Variants in ADAM10 observed in about 807,000 individuals in gnomAD.
ADAM10 encodes ADAM metallopeptidase domain 10.
In ADAM10, 17 loss-of-function variants were observed where a neutral mutation model predicts 90.1. The observed-to-expected ratio is 0.19, with a 90% CI of 0.13 to 0.28. ADAM10 has a LOEUF of 0.28. ADAM10 is among the 10% of genes least tolerant of loss of function. The pLI is 1.00. For synonymous variants in ADAM10, 310 were observed against 298.6 expected (o/e 1.04, Z -0.40); for missense variants, 610 against 914.3 (o/e 0.67, Z 4.29).
intron 1 of ADAM10, among the ~76,000 whole-genome samples, chr15:58,733,903 C>T (rs1899342496): frequency 7.3e-6 from 1 of 137,414 alleles, no homozygotes; most frequent in African/African-American, 2.9e-5. Context: ...TTTTTCATTA[C>T]ATTATATATA....
chr15:58,729,603 T>C (rs1899157034), intron 1 of ADAM10, among the ~76,000 whole-genome samples: 1 of 152,172 alleles, frequency 6.6e-6, no homozygotes, highest in African/African-American at 2.4e-5. Context: ...ACAGGTTGAG[T>C]ATCCAAAAAT....
At chr15:58,616,578 A>T (rs1341424714) in intron 11 of ADAM10, among the ~76,000 whole-genome samples, 1 of 152,226 alleles carries the variant, frequency 6.6e-6, no homozygotes, top group Non-Finnish European at 1.5e-5. Context: ...AAGCTCTCTG[A>T]AACAACTGAA....
At chr15:58,688,786 ATC>A (rs1176204968) in intron 2 of ADAM10, among the ~76,000 whole-genome samples, 146 of 122,366 alleles carry the variant, frequency 1.2e-3, no homozygotes, top group African/African-American at 4.9e-3. Context: ...ATATATATAT[ATC>A]TCTCTCTCTC....
intron 2 of ADAM10, among the ~76,000 whole-genome samples, chr15:58,694,143 T>G (rs536842731): frequency 6.6e-6 from 1 of 152,174 alleles, no homozygotes; most frequent in Non-Finnish European, 1.5e-5. Context: ...AGCACTTTCT[T>G]ACAAAGTCAA....
intron 2 of ADAM10, chr15:58,692,751 A>T (rs775226741): frequency 1.5e-5 from 9 of 595,936 alleles, no homozygotes; most frequent in Non-Finnish European, 2.3e-5. Context: ...GTTCTTCGTC[A>T]TTGTGCTTTG....
chr15:58,742,971 T>C (rs1032102804), intron 1 of ADAM10, among the ~76,000 whole-genome samples: 3 of 152,262 alleles, frequency 2.0e-5, no homozygotes, highest in South Asian at 2.1e-4. Context: ...GGTTGGAGAA[T>C]TGCTTGAGCT....
At chr15:58,700,260 G>C (rs1452986838) in intron 2 of ADAM10, among the ~76,000 whole-genome samples, 1 of 152,154 alleles carries the variant, frequency 6.6e-6, no homozygotes, top group Non-Finnish European at 1.5e-5. Flanking sequence ...GACATTTACA[G>C]ATTTCATACA....
intron 1 of ADAM10, among the ~76,000 whole-genome samples, chr15:58,742,356 TTA>T: frequency 6.6e-6 from 1 of 152,148 alleles, no homozygotes. Flanking sequence ...TTAAATGGGG[TTA>T]CAGTTTCTAC....
At chr15:58,741,750 C>T (rs1899623403) in intron 1 of ADAM10, among the ~76,000 whole-genome samples, 1 of 152,054 alleles carries the variant, frequency 6.6e-6, no homozygotes, top group South Asian at 2.1e-4. Flanking sequence ...CTTATTTCTA[C>T]GATCATTCTA....
intron 2 of ADAM10, among the ~76,000 whole-genome samples, chr15:58,694,769 T>C (rs1371612385): frequency 6.6e-6 from 1 of 150,584 alleles, no homozygotes; most frequent in Admixed American, 6.6e-5. Flanking sequence ...AGCCAACTAT[T>C]GAAAACACGC....
chr15:58,597,130 C>T lies in ADAM10; in HGVS notation c.*417G>A. 4.8e-6 allele frequency: 2 copies of T among 419,978 alleles called. No individual in the cohort carries two copies. Among genetic ancestry groups the T allele is most frequent in the South Asian group, 2.4e-5 (1 of 41,100 alleles). The allele number at this position is 419,978 out of a possible 1,614,324, so 26.0% of individuals were successfully genotyped here. A position where few individuals can be genotyped will look rare whatever the true frequency, so the allele number is the denominator to read the frequency against. ...TATGTACATTGGCAAGTGATGTCTC[C>T]AATGTTGAGGTGGTCGAGCCTCCTA... On this transcript the variant is annotated 3_prime_UTR_variant, in exon 16 of 16. Transcript: ENST00000260408.
intron 4 of ADAM10, among the ~76,000 whole-genome samples, chr15:58,678,148 T>C (rs1437244474): frequency 6.6e-6 from 1 of 152,172 alleles, no homozygotes; most frequent in South Asian, 2.1e-4. Flanking sequence ...AATGAGCTTA[T>C]GATTTAACAA....
intron 2 of ADAM10, chr15:58,691,473 C>T (rs1897791367): frequency 4.7e-6 from 3 of 633,562 alleles, no homozygotes; most frequent in Non-Finnish European, 9.2e-6. Flanking sequence ...CTCCTTCATG[C>T]AAGACACATA....
In ADAM10 at chr15:58,655,711, GTATA is replaced by G. The variant is rs1174017303; in HGVS notation, c.585+9382_585+9385del. ...ATTATATATAGTATATATATATATA[GTATA>G]TATATATATATATATATATATATAT... On this transcript the variant is annotated intron_variant, in intron 5 of 15. Transcript: ENST00000260408. 1.2e-3 allele frequency among the ~76,000 whole-genome samples: 63 copies of G among 53,710 alleles called. 3 individuals carry two copies. The highest frequency in any genetic ancestry group is 1.2e-3 in the Non-Finnish European group (38 of 30,968). 35.2% of individuals were successfully genotyped at this position (53,710 alleles called of 152,430 possible).
rs1249352659 is a variant in ADAM10 at position 58,592,389 on chromosome 15, A to C, written c.*5158T>G. On this transcript the variant is annotated 3_prime_UTR_variant, in exon 16 of 16. Coordinates refer to ENST00000260408, the MANE Select transcript of ADAM10 (RefSeq NM_001110.4). ...TCATTAACTCACAGAGTTAAATACA[A>C]TACTATGAGTTTCAATCTCTTGCAG... 3 of 152,226 alleles carry C rather than the reference A, an allele frequency of 2.0e-5. No homozygotes were observed. The highest frequency in any genetic ancestry group is 2.0e-4 in the Admixed American group (3 of 15,282). 9.4% of individuals were successfully genotyped at this position (152,226 alleles called of 1,614,324 possible).
intron 5 of ADAM10, among the ~76,000 whole-genome samples, chr15:58,651,279 T>A (rs1018526845): frequency 3.3e-5 from 5 of 152,180 alleles, no homozygotes; most frequent in African/African-American, 1.2e-4. Context: ...TTTTAGTTAT[T>A]TTAAAATGTA....
intron 9 of ADAM10, among the ~76,000 whole-genome samples, chr15:58,631,247 G>T (rs145926104): frequency 3.9e-5 from 6 of 152,066 alleles, no homozygotes; most frequent in Non-Finnish European, 1.5e-5. Flanking sequence ...CCCACCCTCA[G>T]ATATTCCCTT....
At chr15:58,677,914 C>CA (rs1470985563) in intron 4 of ADAM10, among the ~76,000 whole-genome samples, 3 of 151,686 alleles carry the variant, frequency 2.0e-5, no homozygotes, top group Non-Finnish European at 4.4e-5. Context: ...GGTAACCCTG[C>CA]AAAAAAAGGT....
intron 2 of ADAM10, chr15:58,686,627 G>A (rs1897611565): frequency 1.2e-6 from 1 of 864,388 alleles, no homozygotes; most frequent in Non-Finnish European, 2.0e-6. Flanking sequence ...AAGACTCTAA[G>A]AGAGAAGTTT....
Sources: gnomAD v4.1 joint callset for allele counts (sites outside exome capture counted in the v4.1 genomes callset) on GRCh38, gnomAD v4.1.1 for gene constraint, MANE v1.5 for transcripts, NCBI Gene and HGNC (gene_info 2026-07-23, HGNC 2026-07-21) for gene names.